The following FER1L6 variants were observed in gnomAD, a reference collection of about 807,000 sequenced individuals.
FER1L6 encodes the protein fer-1 like family member 6, also known as fer-1-like protein 6.
In FER1L6, 177 loss-of-function variants were observed where a neutral mutation model predicts 219.2. The ratio of observed to expected loss-of-function variants is 0.81; its 90% CI spans 0.71 to 0.91. The LOEUF (loss-of-function observed/expected upper bound fraction) is 0.91. Ranked by LOEUF, FER1L6 falls within the 40% of genes least tolerant of loss-of-function variation. The probability of loss-of-function intolerance (pLI) is 0.00; values close to 1 mark genes in which losing one functional copy is unlikely to be tolerated. For synonymous variants in FER1L6, 768 were observed against 824.3 expected, an observed-to-expected ratio of 0.93 and a Z score of 1.17; for missense variants, 2,153 against 2,259.9, an observed-to-expected ratio of 0.95 and a Z score of 0.96.
chr8:124,034,449 A>C (rs972023471), intron 18 of FER1L6, among the ~76,000 whole-genome samples: 1 of 152,238 alleles, frequency 6.6e-6, no homozygotes, highest in African/African-American at 2.4e-5. Flanking sequence ...ACACATATAC[A>C]TAAGTACATG....
intron 20 of FER1L6, among the ~76,000 whole-genome samples, chr8:124,044,180 T>G (rs943730483): frequency 6.6e-6 from 1 of 152,210 alleles, no homozygotes; most frequent in Admixed American, 6.5e-5. Context: ...CACATCACAT[T>G]TCTATTTTGA....
chr8:123,958,765 GAGA>G (rs935870885), intron 2 of FER1L6, among the ~76,000 whole-genome samples: 1 of 151,972 alleles, frequency 6.6e-6, no homozygotes, highest in Non-Finnish European at 1.5e-5. Flanking sequence ...AGTGCAGTCA[GAGA>G]AGAATTCTCT....
intron 1 of FER1L6, among the ~76,000 whole-genome samples, chr8:123,932,192 T>A (rs1026624128): frequency 6.6e-6 from 1 of 152,166 alleles, no homozygotes; most frequent in Admixed American, 6.5e-5. Context: ...CACTACAACC[T>A]CTGCCTCCTG....
At chr8:123,928,730 A>T (rs2129900624) in intron 1 of FER1L6, among the ~76,000 whole-genome samples, 1 of 152,338 alleles carries the variant, frequency 6.6e-6, no homozygotes, top group South Asian at 2.1e-4. Context: ...CAATTAAGAA[A>T]TCCAATGGAT....
intron 16 of FER1L6, among the ~76,000 whole-genome samples, chr8:124,019,303 G>T (rs1284463129): frequency 6.6e-6 from 1 of 152,072 alleles, no homozygotes; most frequent in Non-Finnish European, 1.5e-5. Context: ...ACTCTCTGAT[G>T]AATTCTATTC....
intron 1 of FER1L6, among the ~76,000 whole-genome samples, chr8:123,927,955 T>C (rs1300766814): frequency 6.6e-6 from 1 of 152,204 alleles, no homozygotes; most frequent in Non-Finnish European, 1.5e-5. Context: ...GTGCATATCA[T>C]GAATAATGGA....
At chr8:123,991,922 T>C (rs1816878852) in intron 12 of FER1L6, among the ~76,000 whole-genome samples, 1 of 152,182 alleles carries the variant, frequency 6.6e-6, no homozygotes, top group Non-Finnish European at 1.5e-5. Flanking sequence ...AAAATGATGC[T>C]GTATTTTATT....
At chr8:123,883,623 A>G (rs1462576687) in intron 1 of FER1L6, among the ~76,000 whole-genome samples, 1 of 152,206 alleles carries the variant, frequency 6.6e-6, no homozygotes, top group Non-Finnish European at 1.5e-5. Flanking sequence ...TGGGCAATTT[A>G]CAAACAATAG....
At chr8:124,019,410 G>A (rs757844887) in intron 16 of FER1L6, among the ~76,000 whole-genome samples, 1 of 152,164 alleles carries the variant, frequency 6.6e-6, no homozygotes, top group South Asian at 2.1e-4. Context: ...TTATGTGCAT[G>A]TATTGTTTTC....
intron 3 of FER1L6, 34 bp from the exon 4 acceptor site, chr8:123,965,973 G>C: frequency 6.4e-7 from 1 of 1,564,412 alleles, no homozygotes; most frequent in Non-Finnish European, 8.8e-7. Context: ...ATTCTTCCTT[G>C]ATGAAACAAA....
At position 123,966,608 on chromosome 8, in the gene FER1L6, G is replaced by A. The variant is rs149575443; in HGVS notation, c.384+318G>A. 2.8e-3 allele frequency among the ~76,000 whole-genome samples: 424 copies of A among 152,296 alleles called. 2 individuals are homozygous for A. The highest frequency in any genetic ancestry group is 9.6e-3 in the African/African-American group (401 of 41,556). On this transcript the variant is annotated intron_variant, in intron 5 of 40. Transcript: ENST00000522917. ...TTTATAGTCAATAAATTGATTGAAT[G>A]TCGGTTAGGGAGAAGATACATATTC...
chr8:123,974,975 G>GGA (rs1815997033), intron 7 of FER1L6, among the ~76,000 whole-genome samples, 175 bp from the exon 8 acceptor site: 1 of 152,150 alleles, frequency 6.6e-6, no homozygotes, highest in African/African-American at 2.4e-5. Flanking sequence ...GGAAGCAAAG[G>GGA]GAGAGGAGGG....
chr8:123,896,665 T>C (rs1192380445), intron 1 of FER1L6, among the ~76,000 whole-genome samples: 1 of 152,224 alleles, frequency 6.6e-6, no homozygotes, highest in African/African-American at 2.4e-5. Flanking sequence ...TTCTTCCTTC[T>C]TAAAGACACA....
In FER1L6 at chr8:124,101,132, C is replaced by A. The variant is rs553338132; in HGVS notation, c.4919C>A (p.Thr1640Lys). 78 of 1,613,642 alleles carry A rather than the reference C, an allele frequency of 4.8e-5. No homozygotes were observed. The highest frequency in any genetic ancestry group is 2.6e-4 in the South Asian group (24 of 91,062). The change falls in exon 38 of 41, where the codon ACA becomes AAA. Residue 1640 changes from threonine to lysine, a missense_variant. Thr to Lys is a moderately conservative substitution (Grantham distance 78). Coordinates refer to ENST00000522917, the MANE Select transcript of FER1L6 (RefSeq NM_001039112.2). ...LKGLEDDKQE[T>K]DVHYNSLTGE... ...GGCTTGGAGGATGACAAGCAGGAGA[C>A]AGATGTGCATTACAACTCCCTGACT... is the stretch of plus-strand genomic sequence containing the variant.
At chr8:124,036,680 A>G (rs1284320480) in intron 19 of FER1L6, among the ~76,000 whole-genome samples, 1 of 152,090 alleles carries the variant, frequency 6.6e-6, no homozygotes, top group African/African-American at 2.4e-5. Flanking sequence ...TTGGCTTCCT[A>G]TTTTTATCGA....
In FER1L6 at chr8:123,855,286, G is replaced by C. The variant is rs1468317597; in HGVS notation, c.-8+3101G>C. Among the ~76,000 whole-genome samples the C allele has an allele frequency of 4.9e-4, 75 of 152,154 alleles. 1 individual carries two copies. The highest frequency in any genetic ancestry group is 1.5e-5 in the Non-Finnish European group (1 of 68,038). ...GGAGCCTGACTGGAATGGATAGTAG[G>C]TGGCCACAAAACCACAAATGGCATT... On this transcript the variant is annotated intron_variant, in intron 1 of 40. Coordinates refer to ENST00000522917, the MANE Select transcript of FER1L6 (RefSeq NM_001039112.2).
rs1822960225 is a variant in FER1L6 at position 124,110,182 on chromosome 8, TTTGTTC to T, written c.5289+6876_5289+6881del. On this transcript the variant is annotated intron_variant, in intron 39 of 40. Coordinates refer to ENST00000522917, the MANE Select transcript of FER1L6 (RefSeq NM_001039112.2). ...GGTAGCTCTAAATAAATAGCCTCTG[TTTGTTC>T]TTATCTTGGTGATCTTTGTTCATTT... Among the ~76,000 whole-genome samples the T allele has an allele frequency of 2.6e-5, 4 of 152,346 alleles. No individual in the cohort carries two copies. In the South Asian group the frequency reaches 8.3e-4, roughly 32 times the overall value.
chr8:123,888,040 T>C (rs1174771303), intron 1 of FER1L6, among the ~76,000 whole-genome samples: 1 of 152,130 alleles, frequency 6.6e-6, no homozygotes, highest in African/African-American at 2.4e-5. Context: ...ACTGCAGCAG[T>C]TGGATTGTGT....
intron 39 of FER1L6, among the ~76,000 whole-genome samples, chr8:124,105,723 T>G (rs1244400069): frequency 6.6e-6 from 1 of 152,192 alleles, no homozygotes; most frequent in Non-Finnish European, 1.5e-5. Context: ...GCAGCATTAT[T>G]CATAATAGCC....
Sources: allele counts gnomAD v4.1 joint callset (sites outside exome capture counted in the v4.1 genomes callset), GRCh38; gene constraint gnomAD v4.1.1; transcripts MANE v1.5; gene names NCBI Gene and HGNC (gene_info 2026-07-23, HGNC 2026-07-21).